The following IGFL2 variants were observed in gnomAD, a reference collection of about 807,000 sequenced individuals.
IGFL2 encodes the protein insulin growth factor-like family member 2.
Under a neutral mutation model 13.9 loss-of-function variants are expected in IGFL2, and 7 were observed. The ratio of observed to expected loss-of-function variants is 0.51; its 90% CI spans 0.29 to 0.95. The LOEUF is 0.95. Among genes scored for constraint, IGFL2 ranks in the 40% least tolerant of loss-of-function variants. IGFL2 has a pLI of 0.08. For missense variants in IGFL2, 138 were observed against 147.8 expected (o/e 0.93, Z 0.34); for synonymous variants, 55 against 55.8 (o/e 0.99, Z 0.07).
chr19:46,100,086 A>G, the IGFL2 span, among the ~76,000 whole-genome samples: 1 of 152,072 alleles, frequency 6.6e-6, no homozygotes, highest in Non-Finnish European at 1.5e-5. Flanking sequence ...TAGCTTAGCA[A>G]AGTTTATTAC....
chr19:46,188,493 A>C, the IGFL2 span, among the ~76,000 whole-genome samples: 1 of 152,178 alleles, frequency 6.6e-6, no homozygotes, highest in East Asian at 1.9e-4. Context: ...ATTTTGGACT[A>C]TCAACATAAA....
At chr19:46,184,959 A>G in the IGFL2 span, among the ~76,000 whole-genome samples, 1 of 152,198 alleles carries the variant, frequency 6.6e-6, no homozygotes, top group Non-Finnish European at 1.5e-5. Context: ...GTCAGATGGT[A>G]TCTCATTGTG....
chr19:46,093,122 T>G, the IGFL2 span, among the ~76,000 whole-genome samples: 3 of 152,154 alleles, frequency 2.0e-5, no homozygotes, highest in Non-Finnish European at 4.4e-5. Flanking sequence ...TCTTTATTGG[T>G]GATTTATTTT....
chr19:46,137,440 C>T, the IGFL2 span: 1 of 1,019,398 alleles, frequency 9.8e-7, no homozygotes, highest in Non-Finnish European at 1.6e-6. Context: ...TGTAATGGTG[C>T]TCATACAGCC....
At chr19:46,103,163 T>C in the IGFL2 span, among the ~76,000 whole-genome samples, 1 of 152,216 alleles carries the variant, frequency 6.6e-6, no homozygotes, top group African/African-American at 2.4e-5. Context: ...TGGTGAGTTT[T>C]TGGGCTCAAT....
chr19:46,146,307 A>G (rs529246841), upstream of IGFL2, among the ~76,000 whole-genome samples: 4 of 152,056 alleles, frequency 2.6e-5, no homozygotes, highest in Non-Finnish European at 5.9e-5. Context: ...CCTTTGATCT[A>G]TGTGTCTATC....
At chr19:46,156,410 C>T (rs532641780) in intron 1 of IGFL2, among the ~76,000 whole-genome samples, 2 of 152,046 alleles carry the variant, frequency 1.3e-5, no homozygotes, top group South Asian at 2.1e-4. Flanking sequence ...TATCTAGAGC[C>T]GTAAAACAAA....
At chr19:46,122,536 A>C in the IGFL2 span, among the ~76,000 whole-genome samples, 1 of 151,110 alleles carries the variant, frequency 6.6e-6, no homozygotes, top group Non-Finnish European at 1.5e-5. Flanking sequence ...CAGTTTTAGC[A>C]CAAGGACTTT....
At chr19:46,095,593 C>G in the IGFL2 span, among the ~76,000 whole-genome samples, 1 of 152,170 alleles carries the variant, frequency 6.6e-6, no homozygotes. Flanking sequence ...GTCATGAAAT[C>G]TTTTCCCATG....
At chr19:46,095,849 G>A in the IGFL2 span, among the ~76,000 whole-genome samples, 1 of 152,096 alleles carries the variant, frequency 6.6e-6, no homozygotes, top group Non-Finnish European at 1.5e-5. Flanking sequence ...GTAGATGTGT[G>A]GACTTATTTT....
At chr19:46,127,112 A>G in the IGFL2 span, among the ~76,000 whole-genome samples, 12 of 152,204 alleles carry the variant, frequency 7.9e-5, no homozygotes, top group African/African-American at 2.9e-4. Flanking sequence ...TAGTCTGGGC[A>G]CAGTGGCTGA....
chr19:46,113,370 C>G, the IGFL2 span: 1 of 349,800 alleles, frequency 2.9e-6, no homozygotes, highest in Non-Finnish European at 5.6e-6. Flanking sequence ...TTCCAAAGCA[C>G]TAATAAAAAC....
the IGFL2 span, chr19:46,189,317 G>C: frequency 6.6e-6 from 1 of 152,300 alleles, no homozygotes; most frequent in South Asian, 2.1e-4. Flanking sequence ...CTACTACCTA[G>C]AAGGCAGAGC....
intron 1 of IGFL2, among the ~76,000 whole-genome samples, chr19:46,157,866 C>G (rs1159478875): frequency 2.0e-5 from 3 of 152,164 alleles, no homozygotes; most frequent in Non-Finnish European, 4.4e-5. Flanking sequence ...GTAGGCCACA[C>G]AACTGTCTAT....
the IGFL2 span, among the ~76,000 whole-genome samples, chr19:46,120,827 G>A: frequency 6.6e-6 from 1 of 150,822 alleles, no homozygotes. Context: ...TCTTACCACA[G>A]AAAAATGAGA....
At chr19:46,080,397 T>TTA in the IGFL2 span, among the ~76,000 whole-genome samples, 1 of 150,788 alleles carries the variant, frequency 6.6e-6, no homozygotes, top group Non-Finnish European at 1.5e-5. Context: ...TTTTTTAAAA[T>TTA]AAAAAAAAGA....
At chr19:46,172,550 CA>C in the IGFL2 span, among the ~76,000 whole-genome samples, 1 of 152,264 alleles carries the variant, frequency 6.6e-6, no homozygotes, top group South Asian at 2.1e-4. Context: ...CTCCGGAACT[CA>C]AATGAGCCTC....
chr19:46,185,586 T>C, the IGFL2 span, among the ~76,000 whole-genome samples: 1 of 152,212 alleles, frequency 6.6e-6, no homozygotes, highest in Non-Finnish European at 1.5e-5. Flanking sequence ...GGCACCTCTC[T>C]TTCTAAAAGT....
chr19:46,164,540 G>T (rs537520454), downstream of IGFL2: 2 of 152,362 alleles, frequency 1.3e-5, no homozygotes, highest in South Asian at 4.1e-4. Flanking sequence ...TTGATCACCT[G>T]CTTCCTGATG....
Sources: allele counts gnomAD v4.1 joint callset (sites outside exome capture counted in the v4.1 genomes callset), GRCh38; gene constraint gnomAD v4.1.1; transcripts MANE v1.5; gene names NCBI Gene and HGNC (gene_info 2026-07-23, HGNC 2026-07-21).